Variants in EYS observed in about 807,000 individuals in gnomAD.
The protein encoded by EYS is EGF-like photoreceptor maintenance factor, also known as protein eyes shut homolog.
Under a neutral mutation model 282.1 loss-of-function variants are expected in EYS, and 250 were observed. That is an observed-to-expected ratio of 0.89 (90% CI 0.80 to 0.98). The LOEUF (loss-of-function observed/expected upper bound fraction) is 0.98. EYS is among the 50% of genes least tolerant of loss of function. EYS has a pLI of 0.00. For missense variants in EYS, 4,016 were observed against 3,709.0 expected (o/e 1.08, Z -2.15); for synonymous variants, 1,355 against 1,282.9 (o/e 1.06, Z -1.20).
intron 19 of EYS, among the ~76,000 whole-genome samples, chr6:64,863,559 A>T (rs769454782): frequency 1.1e-4 from 17 of 152,112 alleles, no homozygotes; most frequent in Non-Finnish European, 2.1e-4. Flanking sequence ...GTTCAGTTTG[A>T]GCTGGTGGGC....
chr6:64,343,420 A>G (rs1331453248), intron 29 of EYS, among the ~76,000 whole-genome samples: 1 of 152,126 alleles, frequency 6.6e-6, no homozygotes, highest in East Asian at 1.9e-4. Context: ...AAACTGCTCA[A>G]CTACATGGAA....
intron 28 of EYS, among the ~76,000 whole-genome samples, chr6:64,405,146 C>T (rs1185547783): frequency 6.6e-6 from 1 of 152,056 alleles, no homozygotes; most frequent in East Asian, 1.9e-4. Flanking sequence ...CCGACTATTC[C>T]CCCAACAGGC....
chr6:64,714,693 T>G (rs188765516), intron 22 of EYS, among the ~76,000 whole-genome samples: 16 of 152,008 alleles, frequency 1.1e-4, no homozygotes, highest in African/African-American at 3.9e-4. Flanking sequence ...GCCCAGCTAA[T>G]TTTTTGTATT....
intron 30 of EYS, among the ~76,000 whole-genome samples, chr6:64,288,807 GTCAT>G (rs958092901): frequency 6.6e-6 from 1 of 152,038 alleles, no homozygotes; most frequent in African/African-American, 2.4e-5. Context: ...AATTCTAGGA[GTCAT>G]TCATGCCTCC....
intron 12 of EYS, among the ~76,000 whole-genome samples, chr6:65,208,975 A>T (rs1391425626): frequency 6.6e-6 from 1 of 151,834 alleles, no homozygotes; most frequent in East Asian, 1.9e-4. Context: ...ATTCCTCAAA[A>T]ATAGGACTTA....
Position 64,836,071 on chromosome 6 carries a change from AATCG to A in EYS, c.2993-13253_2993-13250del, listed in dbSNP as rs572710448. On this transcript the variant is annotated intron_variant, in intron 19 of 42. Transcript: ENST00000503581. Reference sequence around the variant, plus strand: ...ATGAAAATAATCGCTCAAATCTCATAATCGTAATTTTTATATATTACTTATGTTT... The same window carrying A: ...ATGAAAATAATCGCTCAAATCTCATATAATTTTTATATATTACTTATGTTT... 7.7e-3 allele frequency among the ~76,000 whole-genome samples: 1,165 copies of A among 151,670 alleles called. 10 individuals carry two copies. The highest frequency in any genetic ancestry group is 0.026 in the African/African-American group (1,083 of 41,492).
At chr6:63,793,318 CGA>C (rs577536150) in intron 37 of EYS, among the ~76,000 whole-genome samples, 194 of 152,218 alleles carry the variant, frequency 1.3e-3, no homozygotes, top group South Asian at 2.9e-3. Flanking sequence ...AGCCAAAGGT[CGA>C]GAGTGTTGAT....
At chr6:65,613,474 A>G (rs982332347) in intron 2 of EYS, among the ~76,000 whole-genome samples, 4 of 151,868 alleles carry the variant, frequency 2.6e-5, no homozygotes, top group African/African-American at 9.7e-5. Context: ...AGTCTGGTAC[A>G]CTGGGTAAGA....
intron 22 of EYS, among the ~76,000 whole-genome samples, chr6:64,703,410 C>CAT (rs1554194845): frequency 2.1e-4 from 11 of 51,546 alleles, no homozygotes; most frequent in African/African-American, 6.1e-4. Flanking sequence ...CACACACACA[C>CAT]ATATATATAT....
intron 35 of EYS, among the ~76,000 whole-genome samples, chr6:63,943,337 A>T (rs1244340007): frequency 6.6e-6 from 1 of 152,190 alleles, no homozygotes; most frequent in Non-Finnish European, 1.5e-5. Flanking sequence ...TTGGTACTTG[A>T]TTATTTAATC....
At chr6:63,874,348 G>A (rs1279326846) in intron 35 of EYS, among the ~76,000 whole-genome samples, 2 of 152,076 alleles carry the variant, frequency 1.3e-5, no homozygotes, top group African/African-American at 4.8e-5. Context: ...TGTTCCATTG[G>A]TCTATATCTC....
chr6:64,296,594 ATATATTTTTTTT>A (rs1769031691), intron 30 of EYS, among the ~76,000 whole-genome samples: 13 of 4,870 alleles, frequency 2.7e-3, no homozygotes, highest in Admixed American at 9.6e-3. Context: ...ACATATATAT[ATATATTTTTTTT>A]TTTTTTTTTT....
intron 2 of EYS, among the ~76,000 whole-genome samples, chr6:65,639,219 C>G (rs1767196326): frequency 6.6e-6 from 1 of 151,920 alleles, no homozygotes; most frequent in South Asian, 2.1e-4. Flanking sequence ...TGAGAAAATA[C>G]TACATTTAAA....
intron 30 of EYS, among the ~76,000 whole-genome samples, chr6:64,286,932 T>TA (rs1183259788): frequency 1.4e-5 from 2 of 147,372 alleles, no homozygotes; most frequent in Admixed American, 1.4e-4. Context: ...CTTTATTTAA[T>TA]AGTAATATAT....
chr6:64,728,743 G>GCAAA, intron 22 of EYS: 1 of 152,412 alleles, frequency 6.6e-6, no homozygotes, highest in East Asian at 1.9e-4. Flanking sequence ...ACCAGCAAGG[G>GCAAA]CAAAGAGTCA....
intron 12 of EYS, among the ~76,000 whole-genome samples, chr6:65,188,033 T>C (rs1765554494): frequency 6.6e-6 from 1 of 151,678 alleles, no homozygotes; most frequent in Admixed American, 6.6e-5. Context: ...TGTAAAATTA[T>C]ATTCAAATTT....
intron 26 of EYS, among the ~76,000 whole-genome samples, chr6:64,481,872 T>TTA (rs1186965998): frequency 2.6e-5 from 4 of 151,740 alleles, no homozygotes; most frequent in Non-Finnish European, 5.9e-5. Flanking sequence ...ATCTGTTCTC[T>TTA]ATATTTAAGG....
At chr6:65,434,230 A>G (rs1767980683) in intron 5 of EYS, among the ~76,000 whole-genome samples, 1 of 152,164 alleles carries the variant, frequency 6.6e-6, no homozygotes, top group Non-Finnish European at 1.5e-5. Flanking sequence ...GAGAAGCACC[A>G]AGTATTGTGA....
chr6:63,778,337 A>AT (rs200712814), intron 39 of EYS, 157 bp from the exon 40 acceptor site: 73 of 760,638 alleles, frequency 9.6e-5, no homozygotes, highest in East Asian at 1.4e-4. Context: ...GCGCAGAGAA[A>AT]TTTTTTTTTA....
Sources: gnomAD v4.1 joint callset for allele counts (sites outside exome capture counted in the v4.1 genomes callset) on GRCh38, gnomAD v4.1.1 for gene constraint, MANE v1.5 for transcripts, NCBI Gene and HGNC (gene_info 2026-07-23, HGNC 2026-07-21) for gene names.